The following ERC1 variants were observed in gnomAD, a reference collection of about 807,000 sequenced individuals.
ERC1 encodes ELKS/RAB6-interacting/CAST family member 1.
ERC1 carries 56 observed loss-of-function variants against 132.0 expected under a neutral mutation model. The observed-to-expected ratio is 0.42, with a 90% confidence interval of 0.34 to 0.53. The LOEUF is 0.53. Ranked by LOEUF, ERC1 falls within the 20% of genes least tolerant of loss-of-function variation. The pLI, the probability that ERC1 is intolerant of heterozygous loss-of-function variation, is 0.03. For missense variants in ERC1, 1,202 were observed against 1,349.9 expected, an observed-to-expected ratio of 0.89 and a Z score of 1.72; for synonymous variants, 478 against 476.1, an observed-to-expected ratio of 1.00 and a Z score of -0.05.
rs550928914 is a variant in ERC1, at chr12:1,372,161, G to C, written c.2925+184G>C. ...CAAATCTGTGTCTAGGAAATGCAGA[G>C]CATTCGTGGTAAGAGGGCTGTTTTG... On this transcript the variant is annotated intron_variant, in intron 16 of 18. Coordinates refer to ENST00000360905, the MANE Select transcript of ERC1 (RefSeq NM_178040.4). 5.3e-5 allele frequency among the ~76,000 whole-genome samples: 8 copies of C among 152,294 alleles called. No homozygotes were observed. The South Asian group carries it at 1.7e-3, about 32-fold the overall frequency.
At chr12:1,235,996 C>T (rs895917940) in intron 12 of ERC1, among the ~76,000 whole-genome samples, 1 of 151,400 alleles carries the variant, frequency 6.6e-6, no homozygotes, top group African/African-American at 2.5e-5. Flanking sequence ...ATACATTACA[C>T]TCTGAATGGT....
intron 6 of ERC1, 50 bp from the exon 7 acceptor site, chr12:1,115,816 G>A (rs1487112929): frequency 6.8e-7 from 1 of 1,478,670 alleles, no homozygotes. Context: ...ACAGATAAGA[G>A]GTGTTTGTTT....
At chr12:1,437,941 G>A (rs541457669) in intron 17 of ERC1, among the ~76,000 whole-genome samples, 1 of 152,214 alleles carries the variant, frequency 6.6e-6, no homozygotes, top group Admixed American at 6.5e-5. Context: ...CACTTTGACA[G>A]ACCATAAAAC....
In ERC1 at chr12:1,255,621, C is replaced by CTTTTG. The variant is rs1566399460; in HGVS notation, c.2488-7409_2488-7408insGTTTT. ...TCTTCAGCATCTGTTGCTTCCTGGC[C>CTTTTG]TTTTTTTTTTTTTTTTTTTTTTTTT... On this transcript the variant is annotated intron_variant, in intron 13 of 18. Transcript: ENST00000360905. 1.5e-4 allele frequency among the ~76,000 whole-genome samples: 9 copies of CTTTTG among 61,558 alleles called. 1 individual carries two copies. Among genetic ancestry groups the CTTTTG allele is most frequent in the African/African-American group, 5.4e-4 (9 of 16,674 alleles). 40.4% of individuals were successfully genotyped at this position (61,558 alleles called of 152,430 possible). A position where few individuals can be genotyped will look rare whatever the true frequency, so the allele number is the denominator to read the frequency against.
chr12:1,467,062 A>G (rs1339792547), intron 18 of ERC1, among the ~76,000 whole-genome samples: 3 of 152,210 alleles, frequency 2.0e-5, no homozygotes, highest in Non-Finnish European at 4.4e-5. Context: ...TCAGGTTGTG[A>G]TTGATGGGAT....
At chr12:1,114,982 T>G (rs1946295940) in intron 6 of ERC1, among the ~76,000 whole-genome samples, 1 of 152,210 alleles carries the variant, frequency 6.6e-6, no homozygotes, top group Admixed American at 6.5e-5. Flanking sequence ...TTATTACAAT[T>G]ACAATACTTT....
intron 18 of ERC1, among the ~76,000 whole-genome samples, chr12:1,445,699 C>T (rs940474214): frequency 3.2e-4 from 48 of 152,120 alleles, no homozygotes; most frequent in Admixed American, 3.1e-3. Flanking sequence ...GAAGGAAGTA[C>T]GATTCTTGGC....
intron 18 of ERC1, among the ~76,000 whole-genome samples, chr12:1,486,267 A>G (rs1197962120): frequency 2.6e-5 from 4 of 152,248 alleles, no homozygotes; most frequent in African/African-American, 9.6e-5. Flanking sequence ...TATACACACA[A>G]ATACACACAT....
intron 15 of ERC1, among the ~76,000 whole-genome samples, chr12:1,334,837 G>A (rs191902857): frequency 5.3e-4 from 80 of 152,234 alleles, no homozygotes; most frequent in African/African-American, 1.7e-3. Context: ...GCCATTAAAC[G>A]ATATTGATTC....
At chr12:995,480 T>C (rs1213335152) in intron 1 of ERC1, among the ~76,000 whole-genome samples, 1 of 152,152 alleles carries the variant, frequency 6.6e-6, no homozygotes, top group Non-Finnish European at 1.5e-5. Context: ...ACTGGAAGAA[T>C]AAAGTTGCCA....
At chr12:1,043,048 C>CTTTTT (rs397940397) in intron 2 of ERC1, among the ~76,000 whole-genome samples, 6 of 119,010 alleles carry the variant, frequency 5.0e-5, no homozygotes, top group South Asian at 3.0e-4. Context: ...CTTTTCTTTT[C>CTTTTT]TTTTTTTTTT....
intron 1 of ERC1, among the ~76,000 whole-genome samples, chr12:992,195 T>A (rs1440754764): frequency 6.6e-6 from 1 of 152,164 alleles, no homozygotes; most frequent in Non-Finnish European, 1.5e-5. Flanking sequence ...AAAGATCTCT[T>A]TATACCACCC....
intron 14 of ERC1, among the ~76,000 whole-genome samples, chr12:1,275,332 A>G (rs2078188145): frequency 6.6e-6 from 1 of 152,106 alleles, no homozygotes; most frequent in Admixed American, 6.5e-5. Context: ...TACTAAAAAT[A>G]CCAAATTTAG....
rs2094314991 is a variant in ERC1, at chr12:1,491,149, C to G, written c.*919C>G. 1 of 232,306 alleles carries G rather than the reference C, an allele frequency of 4.3e-6. No homozygotes were observed. Among genetic ancestry groups the G allele is most frequent in the Admixed American group, 5.6e-5 (1 of 17,748 alleles). The allele number at this position is 232,306 out of a possible 1,614,324, so 14.4% of individuals were successfully genotyped here. On this transcript the variant is annotated 3_prime_UTR_variant, in exon 19 of 19. Transcript: ENST00000360905. Reference sequence around the variant, plus strand: ...GTTGTCCCCGCCTGCAGCTTTGCCCCAGTAACAGATGCCCGTTGCTCTTGG... The same window carrying G: ...GTTGTCCCCGCCTGCAGCTTTGCCCGAGTAACAGATGCCCGTTGCTCTTGG...
At chr12:1,417,780 CA>C (rs59219151) in intron 17 of ERC1, among the ~76,000 whole-genome samples, 22,799 of 83,534 alleles carry the variant, frequency 0.27, 2,538 homozygotes, top group African/African-American at 0.44. Flanking sequence ...GACTCCATCT[CA>C]AAAAAAAAAA....
intron 2 of ERC1, among the ~76,000 whole-genome samples, chr12:1,073,608 C>T (rs1026748257): frequency 6.6e-6 from 1 of 151,976 alleles, no homozygotes; most frequent in African/African-American, 2.4e-5. Flanking sequence ...GAGATCACAC[C>T]ACTGCATTCC....
intron 18 of ERC1, among the ~76,000 whole-genome samples, chr12:1,457,918 A>G (rs2093572424): frequency 6.6e-6 from 1 of 152,138 alleles, no homozygotes; most frequent in African/African-American, 2.4e-5. Flanking sequence ...AAAAGAAAAA[A>G]AAGTTAGTCA....
intron 11 of ERC1, among the ~76,000 whole-genome samples, chr12:1,188,432 A>G (rs978834953): frequency 5.3e-5 from 8 of 152,190 alleles, no homozygotes; most frequent in African/African-American, 1.7e-4. Context: ...TTTCCCTCCT[A>G]CAATTAACAA....
At chr12:1,162,952 G>T (rs1483575789) in intron 8 of ERC1, among the ~76,000 whole-genome samples, 1 of 152,070 alleles carries the variant, frequency 6.6e-6, no homozygotes, top group Non-Finnish European at 1.5e-5. Flanking sequence ...TTTGTTGATG[G>T]AGAATATGTA....
Sources: allele counts gnomAD v4.1 joint callset (sites outside exome capture counted in the v4.1 genomes callset), GRCh38; gene constraint gnomAD v4.1.1; transcripts MANE v1.5; gene names NCBI Gene and HGNC (gene_info 2026-07-23, HGNC 2026-07-21).